SLC10A7: variants seen among roughly 807,000 people sequenced by gnomAD.
The protein encoded by SLC10A7 is sodium/bile acid cotransporter 7.
A neutral mutation model predicts 43.2 loss-of-function variants in SLC10A7; 29 were observed. The observed-to-expected ratio is 0.67, with a 90% confidence interval of 0.50 to 0.92. The LOEUF (loss-of-function observed/expected upper bound fraction) is 0.92. SLC10A7 is among the 40% of genes least tolerant of loss of function. SLC10A7 has a pLI of 0.00. For missense variants in SLC10A7, 295 were observed against 403.2 expected (o/e 0.73, Z 2.30); for synonymous variants, 152 against 144.8 (o/e 1.05, Z -0.35).
chr4:146,388,716 G>A (rs1271679308), intron 5 of SLC10A7, among the ~76,000 whole-genome samples: 1 of 151,176 alleles, frequency 6.6e-6, no homozygotes, highest in African/African-American at 2.4e-5. Context: ...CCGAGATGTT[G>A]CCACTGCACT....
intron 5 of SLC10A7, among the ~76,000 whole-genome samples, chr4:146,328,069 T>C (rs540092811): frequency 3.3e-5 from 5 of 152,288 alleles, no homozygotes; most frequent in South Asian, 2.1e-4. Context: ...GTGCACACCA[T>C]TGGGAGGCCT....
Position 146,279,616 on chromosome 4 carries a change from C to T in SLC10A7, c.847+3576G>A, listed in dbSNP as rs555589684. Among the ~76,000 whole-genome samples the T allele has an allele frequency of 1.4e-4, 21 of 152,250 alleles. No homozygotes were observed. In the South Asian group the frequency reaches 4.4e-3, roughly 32 times the overall value. Reference sequence around the variant, plus strand: ...ACAAAATATAAAATTACCTCCAACCCTGAGCTGAAACTATAGGAGAGCAGC... The same window carrying T: ...ACAAAATATAAAATTACCTCCAACCTTGAGCTGAAACTATAGGAGAGCAGC... On this transcript the variant is annotated intron_variant, in intron 10 of 11. Coordinates refer to ENST00000335472, the MANE Select transcript of SLC10A7 (RefSeq NM_001029998.6).
chr4:146,424,556 A>G lies in SLC10A7; in HGVS notation c.435+18227T>C, dbSNP rs555645499. Among the ~76,000 whole-genome samples, 463 of 152,074 alleles carry G rather than the reference A, an allele frequency of 3.0e-3. 2 individuals are homozygous for G. The highest frequency in any genetic ancestry group is 0.01 in the African/African-American group (431 of 41,508). Reference sequence around the variant, plus strand: ...CCACCTGTAATCCCAGCTACTCAGGAGGCTGAGGTAGGAGAATGGCTTGAA... The same window carrying G: ...CCACCTGTAATCCCAGCTACTCAGGGGGCTGAGGTAGGAGAATGGCTTGAA... On this transcript the variant is annotated intron_variant, in intron 5 of 11. Transcript: ENST00000335472.
intron 5 of SLC10A7, among the ~76,000 whole-genome samples, chr4:146,409,724 A>G (rs1321979863): frequency 6.6e-6 from 1 of 152,180 alleles, no homozygotes; most frequent in Non-Finnish European, 1.5e-5. Context: ...CTAATCAAGA[A>G]CGTGAGAAAT....
chr4:146,278,181 A>G (rs1729328433), intron 10 of SLC10A7, among the ~76,000 whole-genome samples: 4 of 152,036 alleles, frequency 2.6e-5, no homozygotes. Flanking sequence ...TTTTTTTTCT[A>G]TGCTTTCATT....
chr4:146,388,772 C>CA (rs1224551383), intron 5 of SLC10A7, among the ~76,000 whole-genome samples: 850 of 74,724 alleles, frequency 0.011, 4 homozygotes, highest in African/African-American at 0.032. Flanking sequence ...ACAACAACAA[C>CA]AAAAAAAAAA....
chr4:146,362,977 A>G (rs2630284), intron 5 of SLC10A7, among the ~76,000 whole-genome samples: 1,666 of 152,164 alleles, frequency 0.011, 24 homozygotes, highest in African/African-American at 0.037. Flanking sequence ...CTACCAGAAA[A>G]CACATAATAA....
intron 5 of SLC10A7, among the ~76,000 whole-genome samples, chr4:146,388,012 C>G (rs1313774532): frequency 6.6e-6 from 1 of 152,148 alleles, no homozygotes; most frequent in Non-Finnish European, 1.5e-5. Context: ...AAGCAATCTA[C>G]AGATTCAACG....
intron 4 of SLC10A7, among the ~76,000 whole-genome samples, chr4:146,481,670 G>C (rs1004326038): frequency 6.6e-6 from 1 of 152,138 alleles, no homozygotes; most frequent in African/African-American, 2.4e-5. Context: ...GGGCTGCTAG[G>C]GTATGCTTCA....
intron 5 of SLC10A7, among the ~76,000 whole-genome samples, chr4:146,346,835 A>C (rs890965075): frequency 9.2e-5 from 14 of 152,098 alleles, no homozygotes; most frequent in African/African-American, 3.4e-4. Flanking sequence ...GTTTCAAGTC[A>C]ATTTTATATT....
chr4:146,316,508 AGCAGGCCTTTACCAG>A (rs2149694808), intron 6 of SLC10A7, among the ~76,000 whole-genome samples: 3 of 152,086 alleles, frequency 2.0e-5, no homozygotes, highest in Non-Finnish European at 4.4e-5. Flanking sequence ...TGACCCAGAA[AGCAGGCCTTTACCAG>A]ACACTGAATC....
chr4:146,349,836 A>G (rs1475662343), intron 5 of SLC10A7, among the ~76,000 whole-genome samples: 3 of 152,100 alleles, frequency 2.0e-5, no homozygotes, highest in East Asian at 1.9e-4. Flanking sequence ...GGACTAATAG[A>G]GCAGGGATGA....
intron 4 of SLC10A7, among the ~76,000 whole-genome samples, chr4:146,476,092 C>G (rs552671197): frequency 6.6e-6 from 1 of 151,972 alleles, no homozygotes; most frequent in Non-Finnish European, 1.5e-5. Flanking sequence ...GAATTAACAC[C>G]TAAAAGATGA....
At chr4:146,511,495 T>C (rs1359469366) in intron 2 of SLC10A7, among the ~76,000 whole-genome samples, 1 of 152,138 alleles carries the variant, frequency 6.6e-6, no homozygotes, top group Admixed American at 6.5e-5. Context: ...TTAGCCAAAG[T>C]TTATCAGTTT....
chr4:146,509,810 G>T, intron 3 of SLC10A7, 103 bp downstream of exon 3: 1 of 1,018,176 alleles, frequency 9.8e-7, no homozygotes, highest in Non-Finnish European at 1.4e-6. Flanking sequence ...TTCCTTTTAA[G>T]ATGGTACACA....
At chr4:146,457,195 A>G (rs987269871) in intron 4 of SLC10A7, among the ~76,000 whole-genome samples, 2 of 151,576 alleles carry the variant, frequency 1.3e-5, no homozygotes, top group African/African-American at 4.8e-5. Context: ...TCTTCTTTTG[A>G]TTTTTATCCA....
chr4:146,341,004 C>A (rs1166152806), intron 5 of SLC10A7, among the ~76,000 whole-genome samples: 2 of 151,738 alleles, frequency 1.3e-5, no homozygotes, highest in African/African-American at 2.4e-5. Flanking sequence ...AAAAAAAAAT[C>A]TATGCACAGC....
intron 5 of SLC10A7, among the ~76,000 whole-genome samples, chr4:146,438,005 C>T (rs1730327170): frequency 6.6e-6 from 1 of 151,784 alleles, no homozygotes; most frequent in African/African-American, 2.4e-5. Context: ...AGGCACGTAT[C>T]ATTGTACAGG....
intron 6 of SLC10A7, among the ~76,000 whole-genome samples, chr4:146,308,182 C>G (rs1731719496): frequency 6.6e-6 from 1 of 152,140 alleles, no homozygotes; most frequent in African/African-American, 2.4e-5. Flanking sequence ...ATGTAATTAA[C>G]TGGGTACATG....
Sources: allele counts gnomAD v4.1 joint callset (sites outside exome capture counted in the v4.1 genomes callset), GRCh38; gene constraint gnomAD v4.1.1; transcripts MANE v1.5; gene names NCBI Gene and HGNC (gene_info 2026-07-23, HGNC 2026-07-21).